Variants in PLD5 observed in about 807,000 individuals in gnomAD.
The protein encoded by PLD5 is inactive phospholipase D5.
PLD5 carries 36 observed loss-of-function variants against 61.1 expected under a neutral mutation model. The ratio of observed to expected loss-of-function variants is 0.59; its 90% CI spans 0.45 to 0.78. The LOEUF is 0.78. Ranked by LOEUF, PLD5 falls within the 30% of genes least tolerant of loss-of-function variation. The probability of loss-of-function intolerance (pLI) is 0.00; values close to 1 mark genes in which losing one functional copy is unlikely to be tolerated. For missense variants in PLD5, 515 were observed against 644.4 expected (o/e 0.80, Z 2.17); for synonymous variants, 243 against 242.8 (o/e 1.00, Z -0.01).
intron 1 of PLD5, among the ~76,000 whole-genome samples, chr1:242,408,691 C>A (rs980737982): frequency 6.6e-6 from 1 of 152,176 alleles, no homozygotes; most frequent in African/African-American, 2.4e-5. Flanking sequence ...GCCAAATAAA[C>A]CTCTTCTCTT....
chr1:242,527,428 G>A (rs896081439), upstream of PLD5, among the ~76,000 whole-genome samples: 7 of 152,030 alleles, frequency 4.6e-5, no homozygotes, highest in Admixed American at 4.6e-4. Flanking sequence ...GAGCCACCGC[G>A]CCCGGCCAAT....
chr1:242,475,437 A>AAAAG (rs1667568511), intron 1 of PLD5, among the ~76,000 whole-genome samples: 2 of 151,392 alleles, frequency 1.3e-5, no homozygotes, highest in Non-Finnish European at 2.9e-5. Context: ...AAAAAAAAAA[A>AAAAG]AAAAGAAAAC....
chr1:242,448,593 G>C (rs559777233), intron 1 of PLD5, among the ~76,000 whole-genome samples: 89 of 152,112 alleles, frequency 5.9e-4, no homozygotes, highest in Admixed American at 1.4e-3. Flanking sequence ...TTTCCTCCTT[G>C]TATCATGGGT....
intron 2 of PLD5, among the ~76,000 whole-genome samples, chr1:242,318,652 T>C (rs1383111318): frequency 6.9e-6 from 1 of 145,508 alleles, no homozygotes; most frequent in Non-Finnish European, 1.5e-5. Flanking sequence ...GGGCTTTTGA[T>C]TTTTTAATTT....
chr1:242,524,989 C>A (rs184598801), upstream of PLD5, among the ~76,000 whole-genome samples: 2 of 152,190 alleles, frequency 1.3e-5, no homozygotes, highest in East Asian at 1.9e-4. Context: ...GGGGATGGCT[C>A]CGGAGGGAGA....
chr1:242,307,345 TGAC>T (rs2149168876), intron 2 of PLD5, among the ~76,000 whole-genome samples: 1 of 75,336 alleles, frequency 1.3e-5, no homozygotes, highest in South Asian at 4.1e-4. Context: ...AAAACGATGA[TGAC>T]GGTGATGATG....
chr1:242,105,009 G>A (rs950683519), intron 8 of PLD5, among the ~76,000 whole-genome samples: 7 of 152,146 alleles, frequency 4.6e-5, no homozygotes, highest in Non-Finnish European at 7.4e-5. Context: ...CTTAATAAAC[G>A]ATGTAGCATT....
chr1:242,463,126 G>A (rs1241939899), intron 1 of PLD5, among the ~76,000 whole-genome samples: 1 of 152,098 alleles, frequency 6.6e-6, no homozygotes, highest in Admixed American at 6.5e-5. Flanking sequence ...TCCTCGCACT[G>A]TCTGTGGTAC....
rs372919216 is a variant in PLD5, at chr1:242,298,871, GGAT to G, written c.327-10344_327-10342del. 9.1e-4 allele frequency among the ~76,000 whole-genome samples: 139 copies of G among 152,222 alleles called. 5 individuals carry two copies. In the South Asian group the frequency reaches 0.027, roughly 30 times the overall value. On this transcript the variant is annotated intron_variant, in intron 2 of 9. Coordinates refer to ENST00000536534, the MANE Select transcript of PLD5 (RefSeq NM_001372062.1). ...GAACAATCAGAAAGAAACTTGAGGA[GGAT>G]GAAGACAAAAGAGGAAAACGGTGGA...
Position 242,491,157 on chromosome 1 carries a change from C to T in PLD5, c.189+32931G>A, listed in dbSNP as rs1572235628. Among the ~76,000 whole-genome samples, 3 of 152,162 alleles carry T rather than the reference C, an allele frequency of 2.0e-5. No homozygotes were observed. The South Asian group carries it at 6.2e-4, about 32-fold the overall frequency. On this transcript the variant is annotated intron_variant, in intron 1 of 9. Coordinates refer to ENST00000536534, the MANE Select transcript of PLD5 (RefSeq NM_001372062.1). ...ATCTTCTCCAGCTTTAATATTCGTT[C>T]ATTTTCATATTCTGAGTTCAGTATA...
chr1:242,200,631 A>C (rs79664849), intron 5 of PLD5, among the ~76,000 whole-genome samples: 1 of 102,432 alleles, frequency 9.8e-6, no homozygotes, highest in African/African-American at 4.0e-5. Flanking sequence ...TGGCACAGGC[A>C]AAAAAAAAAA....
At chr1:242,457,517 A>T (rs1285882945) in intron 1 of PLD5, among the ~76,000 whole-genome samples, 1 of 152,206 alleles carries the variant, frequency 6.6e-6, no homozygotes, top group South Asian at 2.1e-4. Context: ...GGAAGAGGTT[A>T]TGCTTGTGTT....
intron 2 of PLD5, among the ~76,000 whole-genome samples, chr1:242,328,503 G>T (rs541047102): frequency 5.9e-5 from 9 of 152,128 alleles, no homozygotes; most frequent in Admixed American, 4.6e-4. Context: ...TTCTACATAT[G>T]TATGTGTTCT....
intron 1 of PLD5, among the ~76,000 whole-genome samples, chr1:242,348,942 T>G (rs1660311620): frequency 6.6e-6 from 1 of 152,100 alleles, no homozygotes; most frequent in African/African-American, 2.4e-5. Context: ...TAATCCCAGC[T>G]ACTCTGGAGG....
Position 242,208,483 on chromosome 1 carries a change from G to GT in PLD5, c.735+11504dup, listed in dbSNP as rs1669585439. On this transcript the variant is annotated intron_variant, in intron 5 of 9. Transcript: ENST00000536534. The stretch of plus-strand genomic sequence containing the variant: ...AGGCAGTGCAGCCTCCCTTTCTCAG[G>GT]TAATGACCATAACGATCTCACTGAA... Among the ~76,000 whole-genome samples the GT allele has an allele frequency of 2.6e-5, 4 of 152,038 alleles. No homozygotes were observed. The South Asian group carries it at 8.3e-4, about 32-fold the overall frequency.
intron 4 of PLD5, among the ~76,000 whole-genome samples, chr1:242,261,843 T>G (rs189967840): frequency 6.6e-6 from 1 of 152,294 alleles, no homozygotes; most frequent in African/African-American, 2.4e-5. Flanking sequence ...TGCAAGGATG[T>G]GGAGCAAACA....
At chr1:242,446,936 T>A (rs1221798412) in intron 1 of PLD5, among the ~76,000 whole-genome samples, 1 of 152,146 alleles carries the variant, frequency 6.6e-6, no homozygotes, top group African/African-American at 2.4e-5. Flanking sequence ...ATTCCCACCC[T>A]GGCATTACCC....
intron 2 of PLD5, among the ~76,000 whole-genome samples, chr1:242,300,102 A>C (rs781283018): frequency 2.6e-5 from 4 of 152,254 alleles, no homozygotes. Context: ...TGAGATGCAA[A>C]GAATTTGTGA....
chr1:242,089,789 C>T lies in PLD5; in HGVS notation c.*65G>A. On this transcript the variant is annotated 3_prime_UTR_variant, in exon 10 of 10. Transcript: ENST00000536534. ...AAAGAGACATATTAAAGTGTTTTTTCTCTCCTCAAGTCCTTTATGTATAAA... is the reference window on the plus strand; with the variant it reads ...AAAGAGACATATTAAAGTGTTTTTTTTCTCCTCAAGTCCTTTATGTATAAA... 5 of 1,573,382 alleles carry T rather than the reference C, an allele frequency of 3.2e-6. No individual in the cohort carries two copies. Among genetic ancestry groups the T allele is most frequent in the Admixed American group, 1.9e-5 (1 of 53,926 alleles).
Sources: gnomAD v4.1 joint callset for allele counts (sites outside exome capture counted in the v4.1 genomes callset) on GRCh38, gnomAD v4.1.1 for gene constraint, MANE v1.5 for transcripts, NCBI Gene and HGNC (gene_info 2026-07-23, HGNC 2026-07-21) for gene names.